DST: variants seen among roughly 807,000 people sequenced by gnomAD.
DST encodes the protein dystonin.
In DST, 253 loss-of-function variants were observed where a neutral mutation model predicts 875.2. The ratio of observed to expected loss-of-function variants is 0.29; its 90% confidence interval spans 0.26 to 0.32. DST has a LOEUF of 0.32. Among genes scored for constraint, DST ranks in the 10% least tolerant of loss-of-function variants. The probability of loss-of-function intolerance (pLI) is 1.00; values close to 1 mark genes in which losing one functional copy is unlikely to be tolerated. For synonymous variants in DST, 3,124 were observed against 3,197.1 expected (o/e 0.98, Z 0.77); for missense variants, 8,287 against 9,111.6 (o/e 0.91, Z 3.68).
At chr6:56,924,862 GT>G (rs1334869831) in intron 2 of DST, among the ~76,000 whole-genome samples, 2 of 152,102 alleles carry the variant, frequency 1.3e-5, no homozygotes, top group Non-Finnish European at 2.9e-5. Context: ...TTCACCCTAT[GT>G]TGTGTCCCCT....
At chr6:56,942,631 T>C (rs960854175) in intron 2 of DST, among the ~76,000 whole-genome samples, 6 of 151,556 alleles carry the variant, frequency 4.0e-5, no homozygotes, top group Non-Finnish European at 8.8e-5. Flanking sequence ...GTGTCAAACA[T>C]CTATATATTT....
intron 4 of DST, among the ~76,000 whole-genome samples, chr6:56,788,420 G>T (rs1481470946): frequency 6.6e-6 from 1 of 151,932 alleles, no homozygotes; most frequent in East Asian, 2.0e-4. Context: ...GAACTCAAGT[G>T]ATCTGCCCAC....
Position 56,572,212 on chromosome 6 carries a change from G to A in DST, c.13609C>T (p.Leu4537Phe), listed in dbSNP as rs367993147. Residue 4537 changes from leucine (L) to phenylalanine (F), a missense_variant, in exon 53 of 104, where the codon CTC becomes TTC. By Grantham distance (22) the Leu-to-Phe change is conservative (BLOSUM62 0). Around this residue, in one of 10 missense-constraint regions of DST, gnomAD observed 1,513 missense variants for 1,677.8 expected, o/e 0.90. Coordinates refer to ENST00000680361, the MANE Select transcript of DST (RefSeq NM_001374736.1). ...HKKHLEVLHS[L>F]LKEISSHGLP... is the part of the protein sequence containing the mutation. ...CCATGGCTGGATATCTCCTTCAAGAGACTATGCAAAACTTCAAGATGTTTC... is the reference window on the plus strand; with the variant it reads ...CCATGGCTGGATATCTCCTTCAAGAAACTATGCAAAACTTCAAGATGTTTC... 99 of 1,576,404 alleles carry A rather than the reference G, an allele frequency of 6.3e-5. 1 individual carries two copies. In the African/African-American group the frequency reaches 1.3e-3, roughly 21 times the overall value.
intron 73 of DST, among the ~76,000 whole-genome samples, chr6:56,510,540 T>A (rs542248627): frequency 6.6e-6 from 1 of 152,178 alleles, no homozygotes; most frequent in Non-Finnish European, 1.5e-5. Context: ...AAAATTTTTA[T>A]TTGTAAAGGT....
At chr6:56,736,646 C>T (rs764512307) in intron 4 of DST, among the ~76,000 whole-genome samples, 2 of 152,108 alleles carry the variant, frequency 1.3e-5, no homozygotes, top group Non-Finnish European at 2.9e-5. Flanking sequence ...TCATTCCTAA[C>T]CCCCTTTAAA....
At chr6:56,527,836 A>T in intron 67 of DST, 102 bp from the exon 68 acceptor site, 1 of 1,198,506 alleles carries the variant, frequency 8.3e-7, no homozygotes, top group East Asian at 2.6e-5. Context: ...CACAGAACAA[A>T]AGGAGACATT....
At chr6:56,546,773 GTCTC>G (rs948295310) in intron 61 of DST, among the ~76,000 whole-genome samples, 34 of 152,042 alleles carry the variant, frequency 2.2e-4, no homozygotes, top group Non-Finnish European at 1.3e-4. Flanking sequence ...ATTCTTCTCT[GTCTC>G]TCTCTCACAC....
intron 3 of DST, among the ~76,000 whole-genome samples, chr6:56,875,108 C>T (rs111620423): frequency 0.021 from 3,180 of 152,244 alleles, 99 homozygotes; most frequent in African/African-American, 0.072. Flanking sequence ...CTCAGCCTCC[C>T]GAGTAGCTGG....
At chr6:56,917,962 T>G (rs908322627) in intron 2 of DST, among the ~76,000 whole-genome samples, 1 of 152,218 alleles carries the variant, frequency 6.6e-6, no homozygotes, top group African/African-American at 2.4e-5. Flanking sequence ...TGTCCCTGTT[T>G]TGAATCTTCA....
chr6:56,906,475 C>T (rs951733387), intron 2 of DST, among the ~76,000 whole-genome samples: 2 of 152,038 alleles, frequency 1.3e-5, no homozygotes, highest in Non-Finnish European at 2.9e-5. Context: ...CTGCCAGCCA[C>T]GTGTACAGTA....
chr6:56,577,412 T>A (rs2097888850), intron 50 of DST, among the ~76,000 whole-genome samples: 1 of 152,230 alleles, frequency 6.6e-6, no homozygotes, highest in African/African-American at 2.4e-5. Context: ...ATTTTCATTT[T>A]ATACTTTAAA....
At position 56,464,665 on chromosome 6, in the gene DST, CAAAG is replaced by C; in HGVS notation, c.22759+16_22759+19del. 1 of 1,547,022 alleles carries C rather than the reference CAAAG, an allele frequency of 6.5e-7. No individual in the cohort carries two copies. The highest frequency in any genetic ancestry group is 8.8e-7 in the Non-Finnish European group (1 of 1,130,952). ...AAGAGAAAAGGAAAGAGGGGAGAGG[CAAAG>C]AGAGAGGTTGCCAACCTATAGTAGG... On this transcript the variant is annotated intron_variant, in intron 100 of 103. Transcript: ENST00000680361.
At chr6:56,577,440 TTTATAA>T (rs2097889822) in intron 50 of DST, among the ~76,000 whole-genome samples, 1 of 152,324 alleles carries the variant, frequency 6.6e-6, no homozygotes, top group Non-Finnish European at 1.5e-5. Flanking sequence ...ATTTTTGTGT[TTTATAA>T]TTATAACACA....
chr6:56,508,897 A>T, intron 74 of DST, 142 bp from the exon 75 acceptor site: 1 of 622,356 alleles, frequency 1.6e-6, no homozygotes. Context: ...ACCCCAGTCC[A>T]GTGGATATCA....
rs375047195 is a variant in DST, at chr6:56,650,891, T to A, written c.1434+35A>T. ...ATGCAGTCAATTGGTCATTACTGAA[T>A]CAACAGCTTCCGGTGTGGAAAAATC... is the stretch of plus-strand genomic sequence containing the variant. On this transcript the variant is annotated intron_variant, in intron 12 of 103. Transcript: ENST00000680361. The A allele has an allele frequency of 2.2e-6, 3 of 1,352,078 alleles. No individual in the cohort carries two copies. In the African/African-American group the frequency reaches 4.4e-5, roughly 20 times the overall value. The allele number at this position is 1,352,078 out of a possible 1,614,324, so 83.8% of individuals were successfully genotyped here.
At chr6:56,900,337 C>G (rs946036839) in intron 3 of DST, 84 bp downstream of exon 3, 7 of 1,133,884 alleles carry the variant, frequency 6.2e-6, no homozygotes, top group Non-Finnish European at 8.3e-6. Flanking sequence ...CAAAGTTAAT[C>G]TGATAATGTT....
At chr6:56,929,955 G>T (rs370079241) in intron 2 of DST, among the ~76,000 whole-genome samples, 2 of 152,220 alleles carry the variant, frequency 1.3e-5, no homozygotes. Flanking sequence ...GAAATGAAAA[G>T]AGAACTCCTC....
chr6:56,684,754 G>T (rs1011209560), intron 9 of DST, among the ~76,000 whole-genome samples: 4 of 152,198 alleles, frequency 2.6e-5, no homozygotes, highest in Non-Finnish European at 4.4e-5. Flanking sequence ...CCAGGAAAAT[G>T]GCTGCACATA....
Position 56,631,339 on chromosome 6 carries a change from T to G in DST, c.4014A>C (p.Thr1338=). The G allele has an allele frequency of 6.2e-7, 1 of 1,614,064 alleles. No homozygotes were observed. The highest frequency in any genetic ancestry group is 8.5e-7 in the Non-Finnish European group (1 of 1,179,978). Residue 1338 remains threonine (T), a synonymous_variant, in exon 30 of 104, where the codon ACA becomes ACC. Transcript: ENST00000680361. ...ERLKDDLGTI[T]NKCEEFFSQA... ...GACTGAAAAACTCCTCACACTTATT[T>G]GTGATTGTTCCCAAATCATCTTTAA...
Sources: gnomAD v4.1 joint callset for allele counts (sites outside exome capture counted in the v4.1 genomes callset) on GRCh38, gnomAD v4.1.1 for gene constraint, gnomAD v4.1.1 regional missense constraint, MANE v1.5 for transcripts, NCBI Gene and HGNC (gene_info 2026-07-23, HGNC 2026-07-21) for gene names.